Variants in ZNF561 observed in about 807,000 individuals in gnomAD.
The protein encoded by ZNF561 is zinc finger protein 561.
ZNF561 carries 16 observed loss-of-function variants against 16.7 expected under a neutral mutation model. The ratio of observed to expected loss-of-function variants is 0.96; its 90% CI spans 0.65 to 1.45. The LOEUF is 1.45. Among genes scored for constraint, ZNF561 ranks in the 40% most tolerant of loss-of-function variants. The pLI is 0.00. For missense variants in ZNF561, 580 were observed against 578.0 expected (o/e 1.00, Z -0.04); for synonymous variants, 190 against 192.1 (o/e 0.99, Z 0.09).
intron 5 of ZNF561, among the ~76,000 whole-genome samples, chr19:9,612,931 G>A (rs762845677): frequency 6.6e-6 from 1 of 152,100 alleles, no homozygotes; most frequent in Middle Eastern, 3.2e-3. Flanking sequence ...AAGGAGCTTG[G>A]ATTACAGGTG....
intron 1 of ZNF561, 148 bp from the exon 2 acceptor site, chr19:9,619,730 G>A: frequency 5.6e-6 from 2 of 354,120 alleles, no homozygotes; most frequent in Non-Finnish European, 1.0e-5. Context: ...ATTAATAACA[G>A]TAACTGACAT....
intron 3 of ZNF561, 87 bp downstream of exon 3, chr19:9,618,004 T>C: frequency 1.6e-6 from 2 of 1,283,504 alleles, no homozygotes; most frequent in South Asian, 2.6e-5. Flanking sequence ...CTAAGAAAAC[T>C]CTGAAGATGA....
In ZNF561 at chr19:9,608,473, T is replaced by C. The variant is rs1438361365; in HGVS notation, c.*1727A>G. Reference sequence around the variant, plus strand: ...ATATAAATTTGTTTTTAACCTCATTTATTTAAAATTAACAAATTTGTAAGC... The same window carrying C: ...ATATAAATTTGTTTTTAACCTCATTCATTTAAAATTAACAAATTTGTAAGC... On this transcript the variant is annotated 3_prime_UTR_variant, in exon 6 of 6. Coordinates refer to ENST00000302851, the MANE Select transcript of ZNF561 (RefSeq NM_152289.3). 6.6e-6 allele frequency: 1 copy of C among 152,208 alleles called. No individual in the cohort carries two copies. The highest frequency in any genetic ancestry group is 1.5e-5 in the Non-Finnish European group (1 of 68,038). The allele number at this position is 152,208 out of a possible 1,614,324, so 9.4% of individuals were successfully genotyped here. A position where few individuals can be genotyped will look rare whatever the true frequency, so the allele number is the denominator to read the frequency against.
Position 9,609,989 on chromosome 19 carries a change from A to G in ZNF561, c.*211T>C. The G allele has an allele frequency of 4.2e-6, 2 of 473,966 alleles. No individual in the cohort carries two copies. Among genetic ancestry groups the G allele is most frequent in the Non-Finnish European group, 7.5e-6 (2 of 268,340 alleles). 29.4% of individuals were successfully genotyped at this position (473,966 alleles called of 1,614,324 possible). The stretch of plus-strand genomic sequence containing the variant: ...TAATCACCAAGGTGAGGCAGCCTGC[A>G]GTACTGACCTCACCATCCATGACCC... On this transcript the variant is annotated 3_prime_UTR_variant, in exon 6 of 6. Transcript: ENST00000302851.
Position 9,614,109 on chromosome 19 carries a change from G to T in ZNF561, c.242-6C>A, listed in dbSNP as rs1460948389. 2 of 1,613,510 alleles carry T rather than the reference G, an allele frequency of 1.2e-6. No homozygotes were observed. Among genetic ancestry groups the T allele is most frequent in the Non-Finnish European group, 1.7e-6 (2 of 1,179,830 alleles). On this transcript the variant is annotated splice_polypyrimidine_tract_variant and splice_region_variant and intron_variant, in intron 4 of 5. Transcript: ENST00000302851. ...TCTAGGTTGTATTTCCCATTCTAAA[G>T]TTAAGCAGAAAAAGAAACGTAAGGA...
At chr19:9,617,728 T>C (rs1384190748) in intron 3 of ZNF561, 1 of 458,108 alleles carries the variant, frequency 2.2e-6, no homozygotes, top group Admixed American at 2.3e-5. Context: ...TTGGTGTCTA[T>C]GCAGCACACT....
chr19:9,612,450 C>A (rs2074478024), intron 5 of ZNF561, among the ~76,000 whole-genome samples: 1 of 151,864 alleles, frequency 6.6e-6, no homozygotes, highest in Admixed American at 6.6e-5. Flanking sequence ...GAACTGCTGA[C>A]CTCATGATCT....
Position 9,607,334 on chromosome 19 carries a change from T to C in ZNF561, c.*2866A>G, listed in dbSNP as rs893875157. On this transcript the variant is annotated 3_prime_UTR_variant, in exon 6 of 6. Transcript: ENST00000302851. Reference sequence around the variant, plus strand: ...AGACATGCATCACCACATCATTTCATTGAAGTATTTATTACATACCATCAT... The same window carrying C: ...AGACATGCATCACCACATCATTTCACTGAAGTATTTATTACATACCATCAT... The C allele has an allele frequency of 2.6e-5, 4 of 152,350 alleles. No individual in the cohort carries two copies. The highest frequency in any genetic ancestry group is 2.1e-4 in the South Asian group (1 of 4,832). The allele number at this position is 152,350 out of a possible 1,614,324, so 9.4% of individuals were successfully genotyped here. A position where few individuals can be genotyped will look rare whatever the true frequency, so the allele number is the denominator to read the frequency against.
chr19:9,611,387 A>G, intron 5 of ZNF561, 51 bp from the exon 6 acceptor site: 2 of 1,531,636 alleles, frequency 1.3e-6, no homozygotes, highest in Non-Finnish European at 1.8e-6. Flanking sequence ...ATATTAAGAG[A>G]TTTCACCCAT....
Position 9,612,804 on chromosome 19 carries a change from C to T in ZNF561, c.324+1217G>A, listed in dbSNP as rs372717509. Among the ~76,000 whole-genome samples the T allele has an allele frequency of 8.5e-5, 13 of 152,196 alleles. No homozygotes were observed. The East Asian group carries it at 1.5e-3, about 18-fold the overall frequency. On this transcript the variant is annotated intron_variant, in intron 5 of 5. Transcript: ENST00000302851. ...ACTGTAGGGTTTTTTTATTATTATG[C>T]AGGGTGGTTTGAGACAAGGTCTCAC...
chr19:9,610,093 G>C lies in ZNF561; in HGVS notation c.*107C>G. 1.0e-6 allele frequency: 1 copy of C among 970,972 alleles called. No individual in the cohort carries two copies. Among genetic ancestry groups the C allele is most frequent in the Non-Finnish European group, 1.5e-6 (1 of 673,438 alleles). 60.1% of individuals were successfully genotyped at this position (970,972 alleles called of 1,614,324 possible). Reference sequence around the variant, plus strand: ...AGGTTTAATTTCAGACCCTCAGGATGGTATCTAAGGCCAATCCATGAGTCA... The same window carrying C: ...AGGTTTAATTTCAGACCCTCAGGATCGTATCTAAGGCCAATCCATGAGTCA... On this transcript the variant is annotated 3_prime_UTR_variant, in exon 6 of 6. Coordinates refer to ENST00000302851, the MANE Select transcript of ZNF561 (RefSeq NM_152289.3).
At position 9,610,351 on chromosome 19, in the gene ZNF561, T is replaced by C. The variant is rs367543889; in HGVS notation, c.1310A>G (p.Asn437Ser). 8.1e-5 allele frequency: 131 copies of C among 1,613,996 alleles called. No individual in the cohort carries two copies. The highest frequency in any genetic ancestry group is 1.0e-4 in the Non-Finnish European group (122 of 1,180,018). The part of the protein sequence containing the change: ...GKAFLYSSRL[N>S]VHLRTHTGEK... Reference sequence around the variant, plus strand: ...TCCGGTATGAGTTCGCAGGTGAACATTAAGGCGTGAGGAATATAGAAATGC... The same window carrying C: ...TCCGGTATGAGTTCGCAGGTGAACACTAAGGCGTGAGGAATATAGAAATGC... The change falls in exon 6 of 6, where the codon AAT becomes AGT. Residue 437 changes from asparagine (N) to serine (S), a missense_variant. Coordinates refer to ENST00000302851, the MANE Select transcript of ZNF561 (RefSeq NM_152289.3).
In ZNF561 at chr19:9,618,116, T is replaced by G; in HGVS notation, c.89A>C (p.Glu30Ala). 1 of 1,551,282 alleles carries G rather than the reference T, an allele frequency of 6.4e-7. No homozygotes were observed. The highest frequency in any genetic ancestry group is 1.2e-5 in the South Asian group (1 of 84,062). ...CTGATAACCACTTGCCAGGTAGTCC[T>G]CCACCATCCTTTCTACCTTTGTCTT... is the stretch of plus-strand genomic sequence containing the variant. The part of the protein sequence containing the change: ...EEKTKVERMV[E>A]DYLASGYQDS... The change falls in exon 3 of 6, where the codon GAG (glutamate) becomes GCG (alanine). Residue 30 changes from glutamate to alanine, a missense_variant. Glu to Ala is a moderately radical substitution (Grantham distance 107). Transcript: ENST00000302851.
intron 4 of ZNF561, 148 bp downstream of exon 4, chr19:9,616,896 GA>G: frequency 8.7e-7 from 1 of 1,144,230 alleles, no homozygotes; most frequent in South Asian, 2.0e-5. Flanking sequence ...GCCCGGCCTA[GA>G]ATTTTTTTTT....
intron 5 of ZNF561, among the ~76,000 whole-genome samples, chr19:9,611,968 C>T (rs1301458511): frequency 1.3e-5 from 2 of 152,150 alleles, no homozygotes; most frequent in Non-Finnish European, 2.9e-5. Flanking sequence ...TGCTCTGTAG[C>T]CCAGGCTGGA....
Position 9,621,174 on chromosome 19 carries a change from A to G in ZNF561, c.-139T>C, listed in dbSNP as rs10401707. The G allele has an allele frequency of 0.36, 55,034 of 153,878 alleles. 13,943 individuals carry two copies. The highest frequency in any genetic ancestry group is 0.72 in the African/African-American group (29,709 of 41,478). The allele number at this position is 153,878 out of a possible 1,614,324, so 9.5% of individuals were successfully genotyped here. On this transcript the variant is annotated 5_prime_UTR_variant, in exon 1 of 6. Transcript: ENST00000302851. ...AGGTGGAACTCACCACAGCCTGGGC[A>G]GACTCCACCACCATAAAGGCGAAAC...
In ZNF561 at chr19:9,610,683, T is replaced by G. The variant is rs777803629; in HGVS notation, c.978A>C (p.Glu326Asp). ...TTATTCCAGTGTGAGTTCTTACATG[T>G]TCAGTAAGTTGAGTTGATCTAGTGA... Reference protein sequence around the residue: ...KAFTRSTQLTEHVRTHTGIKP... With the variant: ...KAFTRSTQLTDHVRTHTGIKP... The change falls in exon 6 of 6, where the codon GAA becomes GAC. Residue 326 changes from glutamate to aspartate, a missense_variant. By Grantham distance (45) the Glu-to-Asp change is conservative (BLOSUM62 2). Coordinates refer to ENST00000302851, the MANE Select transcript of ZNF561 (RefSeq NM_152289.3). The G allele has an allele frequency of 6.2e-7, 1 of 1,614,142 alleles. No individual in the cohort carries two copies. Among genetic ancestry groups the G allele is most frequent in the Non-Finnish European group, 8.5e-7 (1 of 1,180,024 alleles).
At chr19:9,612,281 G>A (rs777515790) in intron 5 of ZNF561, among the ~76,000 whole-genome samples, 14 of 151,846 alleles carry the variant, frequency 9.2e-5, no homozygotes, top group South Asian at 2.1e-4. Context: ...TGCAAGTGGC[G>A]AGATCTTGGC....
chr19:9,617,605 G>C (rs2074579651), intron 3 of ZNF561: 1 of 453,174 alleles, frequency 2.2e-6, no homozygotes, highest in Non-Finnish European at 4.5e-6. Context: ...CTCCTGGGCT[G>C]AAGTGGTCCT....
Sources: gnomAD v4.1 joint callset for allele counts (sites outside exome capture counted in the v4.1 genomes callset) on GRCh38, gnomAD v4.1.1 for gene constraint, MANE v1.5 for transcripts, NCBI Gene and HGNC (gene_info 2026-07-23, HGNC 2026-07-21) for gene names.